Variants in OR6J1 observed in about 807,000 individuals in gnomAD.
OR6J1 encodes the protein olfactory receptor 6J1.
For missense variants in OR6J1, 304 were observed against 166.8 expected (o/e 1.82, Z -4.53); for synonymous variants, 109 against 70.0 (o/e 1.56, Z -2.78).
At chr14:22,639,684 C>T (rs1378012450) in intron 1 of OR6J1, among the ~76,000 whole-genome samples, 5 of 125,300 alleles carry the variant, frequency 4.0e-5, no homozygotes, top group East Asian at 2.1e-4. Context: ...TGTGACCTTA[C>T]CCCCAACCCG....
chr14:22,640,799 G>A (rs992710778), intron 1 of OR6J1, among the ~76,000 whole-genome samples: 2 of 151,292 alleles, frequency 1.3e-5, no homozygotes, highest in Non-Finnish European at 3.0e-5. Context: ...GGGATCATAG[G>A]CATGAGCCAC....
At chr14:22,636,252 C>G (rs769847934) in intron 1 of OR6J1, among the ~76,000 whole-genome samples, 4 of 30 alleles carry the variant, frequency 0.13, no homozygotes, top group Non-Finnish European at 0.11. Context: ...CTCCCTCTCC[C>G]TCTCCCTCTC....
At chr14:22,640,205 A>AGAGG (rs80115809) in intron 1 of OR6J1, among the ~76,000 whole-genome samples, 8,747 of 77,212 alleles carry the variant, frequency 0.11, 1,031 homozygotes, top group East Asian at 0.38. Flanking sequence ...GGGAAAAGAG[A>AGAGG]GAGGGAGGGA....
In OR6J1 at chr14:22,642,312, A is replaced by AATATATATAT. The variant is rs71421135; in HGVS notation, c.-28+1776_-28+1785dup. Among the ~76,000 whole-genome samples the AATATATATAT allele has an allele frequency of 5.1e-3, 553 of 109,032 alleles. 9 individuals are homozygous for AATATATATAT. Among genetic ancestry groups the AATATATATAT allele is most frequent in the African/African-American group, 9.3e-3 (226 of 24,366 alleles). The allele number at this position is 109,032 out of a possible 152,430, so 71.5% of individuals were successfully genotyped here. A position where few individuals can be genotyped will look rare whatever the true frequency, so the allele number is the denominator to read the frequency against. On this transcript the variant is annotated intron_variant, in intron 1 of 1. Transcript: ENST00000540461. ...TGTCCATCACCACAATCAACTTAAG[A>AATATATATAT]ATATATATATATATATATATATATA...
chr14:22,640,679 T>A lies in OR6J1; in HGVS notation c.-28+3419A>T, dbSNP rs1167006814. Among the ~76,000 whole-genome samples, 3 of 150,818 alleles carry A rather than the reference T, an allele frequency of 2.0e-5. No individual in the cohort carries two copies. In the East Asian group the frequency reaches 5.8e-4, roughly 29 times the overall value. ...AGCTATTAGGTTGTTGCAAAAGTAATTGCGGTTTTGCCATTACTTTTCGTA... is the reference window on the plus strand; with the variant it reads ...AGCTATTAGGTTGTTGCAAAAGTAAATGCGGTTTTGCCATTACTTTTCGTA... On this transcript the variant is annotated intron_variant, in intron 1 of 1. Coordinates refer to ENST00000540461, the MANE Select transcript of OR6J1 (RefSeq NM_001348233.2).
chr14:22,633,989 C>T lies in OR6J1; in HGVS notation c.823G>A (p.Val275Ile). ...AATGGAGTCACCACACTGCTCAGAA[C>T]CAAAGGGATCTTGTTGATCTCCAGA... ...EYLEINKIPL[V>I]LSSVVTPFLN... Residue 275 changes from valine to isoleucine, a missense_variant, in exon 2 of 2, where the codon GTT becomes ATT. Physicochemically the swap from Val to Ile is conservative, Grantham distance 29 (BLOSUM62 3). Coordinates refer to ENST00000540461, the MANE Select transcript of OR6J1 (RefSeq NM_001348233.2). 1 of 702,854 alleles carries T rather than the reference C, an allele frequency of 1.4e-6. No individual in the cohort carries two copies. The highest frequency in any genetic ancestry group is 1.5e-5 in the South Asian group (1 of 67,572). The allele number at this position is 702,854 out of a possible 1,614,324, so 43.5% of individuals were successfully genotyped here. A position where few individuals can be genotyped will look rare whatever the true frequency, so the allele number is the denominator to read the frequency against.
intron 1 of OR6J1, among the ~76,000 whole-genome samples, chr14:22,637,865 G>T (rs867451395): frequency 2.8e-5 from 1 of 35,416 alleles, no homozygotes; most frequent in Non-Finnish European, 5.5e-5. Flanking sequence ...GAGGCGGGGG[G>T]GGTGGGGTCG....
chr14:22,643,758 CACACACAGAGAG>C (rs1452146256), intron 1 of OR6J1, among the ~76,000 whole-genome samples: 14 of 60,716 alleles, frequency 2.3e-4, no homozygotes, highest in South Asian at 7.1e-4. Flanking sequence ...CACACACACA[CACACACAGAGAG>C]AGAGAGAGAG....
rs139961750 is a variant in OR6J1 at position 22,635,099 on chromosome 14, T to C, written c.-27-261A>G. On this transcript the variant is annotated intron_variant, in intron 1 of 1. Transcript: ENST00000540461. ...CTTTCTAAAAGATAATTTAGCAATG[T>C]GTGTCAAAAACCTTAAAATTAAGCA... Among the ~76,000 whole-genome samples, 60 of 152,350 alleles carry C rather than the reference T, an allele frequency of 3.9e-4. No homozygotes were observed. The Middle Eastern group carries it at 0.01, about 26-fold the overall frequency.
At chr14:22,639,466 C>T (rs1263285768) in intron 1 of OR6J1, among the ~76,000 whole-genome samples, 1 of 133,310 alleles carries the variant, frequency 7.5e-6, no homozygotes, top group South Asian at 2.2e-4. Flanking sequence ...GCCCGGCCAC[C>T]ACCCCGTCTG....
At position 22,633,861 on chromosome 14, in the gene OR6J1, T is replaced by G. The variant is rs775745411; in HGVS notation, c.951A>C (p.Ala317=). 7 of 702,874 alleles carry G rather than the reference T, an allele frequency of 1.0e-5. No homozygotes were observed. The South Asian group carries it at 1.0e-4, about 10-fold the overall frequency. 43.5% of individuals were successfully genotyped at this position (702,874 alleles called of 1,614,324 possible). ...VRGVFEKRMR[A]VLRSRLSSNK... ...TGGAGGATAATCTGCTTCTCAGCAC[T>G]GCCCTCATCCTCTTTTCAAAAACTC... The change falls in exon 2 of 2, where the codon GCA becomes GCC. Residue 317 remains alanine, a synonymous_variant. Coordinates refer to ENST00000540461, the MANE Select transcript of OR6J1 (RefSeq NM_001348233.2).
In OR6J1 at chr14:22,634,621, T is replaced by G. The variant is rs746509732; in HGVS notation, c.191A>C (p.Asn64Thr). The G allele has an allele frequency of 2.7e-6, 2 of 735,932 alleles. No homozygotes were observed. Among genetic ancestry groups the G allele is most frequent in the Non-Finnish European group, 2.5e-6 (1 of 399,458 alleles). The allele number at this position is 735,932 out of a possible 1,614,324, so 45.6% of individuals were successfully genotyped here. A position where few individuals can be genotyped will look rare whatever the true frequency, so the allele number is the denominator to read the frequency against. ...LHTPMYFFLCNLSILDILFTS... is the reference protein window; with the variant it reads ...LHTPMYFFLCTLSILDILFTS... Reference sequence around the variant, plus strand: ...GAAGAGGATGTCCAGGATAGAGAGGTTGCACAAGAAGAAGTACATGGGGGT... The same window carrying G: ...GAAGAGGATGTCCAGGATAGAGAGGGTGCACAAGAAGAAGTACATGGGGGT... Residue 64 changes from asparagine (N) to threonine (T), a missense_variant, in exon 2 of 2, where the codon AAC (asparagine) becomes ACC (threonine). Asn to Thr is a moderately conservative substitution (Grantham distance 65). Transcript: ENST00000540461.
chr14:22,638,715 C>T (rs2037616273), intron 1 of OR6J1, among the ~76,000 whole-genome samples: 2 of 151,952 alleles, frequency 1.3e-5, no homozygotes, highest in Non-Finnish European at 2.9e-5. Context: ...ATTTTATACC[C>T]ACTATATTGT....
chr14:22,640,939 T>TG (rs942106691), intron 1 of OR6J1, among the ~76,000 whole-genome samples: 2 of 150,842 alleles, frequency 1.3e-5, no homozygotes, highest in Non-Finnish European at 3.0e-5. Context: ...AAGGCCGAGG[T>TG]GGGAGGATGA....
Position 22,640,483 on chromosome 14 carries a change from G to GTTTTT in OR6J1, c.-28+3614_-28+3615insAAAAA, listed in dbSNP as rs1457341102. ...CTTCAGCTCAACCAACAGTGAGAAT[G>GTTTTT]TATTTTTTTTTTTTTTTTTTTTTTG... On this transcript the variant is annotated intron_variant, in intron 1 of 1. Coordinates refer to ENST00000540461, the MANE Select transcript of OR6J1 (RefSeq NM_001348233.2). 1.4e-4 allele frequency among the ~76,000 whole-genome samples: 18 copies of GTTTTT among 132,708 alleles called. 1 individual carries two copies. Among genetic ancestry groups the GTTTTT allele is most frequent in the African/African-American group, 4.3e-4 (14 of 32,784 alleles). 87.1% of individuals were successfully genotyped at this position (132,708 alleles called of 152,430 possible). A position where few individuals can be genotyped will look rare whatever the true frequency, so the allele number is the denominator to read the frequency against.
rs766609908 is a variant in OR6J1 at position 22,634,878 on chromosome 14, A to G, written c.-27-40T>C. 2.2e-4 allele frequency: 136 copies of G among 604,586 alleles called. 1 individual carries two copies. Among genetic ancestry groups the G allele is most frequent in the Non-Finnish European group, 3.6e-4 (121 of 338,524 alleles). 37.5% of individuals were successfully genotyped at this position (604,586 alleles called of 1,614,324 possible). On this transcript the variant is annotated intron_variant, in intron 1 of 1. Transcript: ENST00000540461. ...GGAGATAACACTTAAGAGAGTGTTCAGTGGATGAAACCCCATGGCTGCTCA... is the reference window on the plus strand; with the variant it reads ...GGAGATAACACTTAAGAGAGTGTTCGGTGGATGAAACCCCATGGCTGCTCA...
chr14:22,635,824 T>C (rs946946985), intron 1 of OR6J1, among the ~76,000 whole-genome samples: 10 of 152,044 alleles, frequency 6.6e-5, no homozygotes, highest in African/African-American at 2.4e-4. Flanking sequence ...TGTGTAAAGA[T>C]CAAAACTTTT....
Position 22,632,609 on chromosome 14 carries a change from A to C in OR6J1, c.*1159T>G, listed in dbSNP as rs151177552. On this transcript the variant is annotated 3_prime_UTR_variant, in exon 2 of 2. Coordinates refer to ENST00000540461, the MANE Select transcript of OR6J1 (RefSeq NM_001348233.2). ...ATTCTTTCCAGGTGTATGGAGCCAG[A>C]AAAGGGGAGAAGCTATGCCTTGTGG... 1 of 152,434 alleles carries C rather than the reference A, an allele frequency of 6.6e-6. No individual in the cohort carries two copies. The highest frequency in any genetic ancestry group is 2.4e-5 in the African/African-American group (1 of 41,580). 9.4% of individuals were successfully genotyped at this position (152,434 alleles called of 1,614,324 possible).
intron 1 of OR6J1, among the ~76,000 whole-genome samples, chr14:22,640,220 G>C (rs190847357): frequency 1.0e-5 from 1 of 97,082 alleles, no homozygotes; most frequent in African/African-American, 4.7e-5. Flanking sequence ...GAGGGAGGGA[G>C]GGAGGGAGGG....
Sources: gnomAD v4.1 joint callset for allele counts (sites outside exome capture counted in the v4.1 genomes callset) on GRCh38, gnomAD v4.1.1 for gene constraint, MANE v1.5 for transcripts, NCBI Gene and HGNC (gene_info 2026-07-23, HGNC 2026-07-21) for gene names.